EXOC3: variants seen among roughly 807,000 people sequenced by gnomAD.
The protein encoded by EXOC3 is SEC6-like 1.
A neutral mutation model predicts 73.7 loss-of-function variants in EXOC3; 21 were observed. The ratio of observed to expected loss-of-function variants is 0.29; its 90% confidence interval spans 0.20 to 0.41. The LOEUF is 0.41. EXOC3 is among the 10% of genes least tolerant of loss of function. The pLI, the probability that EXOC3 is intolerant of heterozygous loss-of-function variation, is 1.00. For missense variants in EXOC3, 842 were observed against 985.1 expected (o/e 0.85, Z 1.95); for synonymous variants, 410 against 389.1 (o/e 1.05, Z -0.63).
At position 461,947 on chromosome 5, in the gene EXOC3, T is replaced by C. The variant is rs377494437; in HGVS notation, c.1392-13T>C. 176 of 1,566,482 alleles carry C rather than the reference T, an allele frequency of 1.1e-4. No homozygotes were observed. In the African/African-American group the frequency reaches 2.1e-3, roughly 19 times the overall value. On this transcript the variant is annotated splice_polypyrimidine_tract_variant and intron_variant, in intron 7 of 12. Coordinates refer to ENST00000512944, the MANE Select transcript of EXOC3 (RefSeq NM_007277.5). ...CCCTTAGTGCTGTCTGACCGAAGCC[T>C]GTCTGTCCTCAGATATAAAGATGAA...
At chr5:465,681 GCCGAGGGCGGCT>G (rs1432767835) in intron 11 of EXOC3, 25 bp from the exon 12 acceptor site, 1 of 1,612,706 alleles carries the variant, frequency 6.2e-7, no homozygotes, top group Admixed American at 1.7e-5. Context: ...CCGCGGGACA[GCCGAGGGCGGCT>G]CCTCACATTG....
At chr5:448,734 C>A (rs1039374753) in intron 3 of EXOC3, among the ~76,000 whole-genome samples, 4 of 152,202 alleles carry the variant, frequency 2.6e-5, no homozygotes. Context: ...ATCCGTGTCC[C>A]GTCCACCCTG....
At chr5:461,910 A>G (rs1281232697) in intron 7 of EXOC3, 50 bp from the exon 8 acceptor site, 1 of 1,342,130 alleles carries the variant, frequency 7.5e-7, no homozygotes, top group East Asian at 2.5e-5. Flanking sequence ...CATTTGAAAC[A>G]GCTCCATGTT....
rs530637200 is a variant in EXOC3, at chr5:456,908, G to T, written c.1066G>T (p.Val356Leu). The T allele has an allele frequency of 1.2e-6, 2 of 1,613,934 alleles. No homozygotes were observed. The highest frequency in any genetic ancestry group is 1.7e-4 in the Middle Eastern group (1 of 6,060). The change falls in exon 5 of 13, where the codon GTG becomes TTG. Residue 356 changes from valine to leucine, a missense_variant. Coordinates refer to ENST00000512944, the MANE Select transcript of EXOC3 (RefSeq NM_007277.5). ...CCATAGTACTGAGATGATGAGGAAC[G>T]TGGAGCTGGCCCCGGAAGTGGATGT... ...TYTSTEMMRN[V>L]ELAPEVDVGT...
At chr5:461,288 C>T (rs1187266606) in intron 7 of EXOC3, among the ~76,000 whole-genome samples, 1 of 152,248 alleles carries the variant, frequency 6.6e-6, no homozygotes, top group South Asian at 2.1e-4. Context: ...TTTACCAACT[C>T]CTCAAAATTT....
intron 2 of EXOC3, 126 bp from the exon 3 acceptor site, chr5:447,407 T>C: frequency 1.6e-6 from 1 of 615,808 alleles, no homozygotes; most frequent in Non-Finnish European, 2.9e-6. Flanking sequence ...CTTTTCTGGG[T>C]ATTGACTGTT....
At chr5:449,139 T>A (rs1215815915) in intron 3 of EXOC3, among the ~76,000 whole-genome samples, 1 of 152,270 alleles carries the variant, frequency 6.6e-6, no homozygotes, top group Non-Finnish European at 1.5e-5. Context: ...TTTCCTTTCC[T>A]TGGTGAACAA....
chr5:465,338 C>G, intron 11 of EXOC3, 66 bp downstream of exon 11: 1 of 1,515,280 alleles, frequency 6.6e-7, no homozygotes, highest in Non-Finnish European at 8.9e-7. Flanking sequence ...AGCCTCCACC[C>G]CGGGACTCGG....
chr5:462,624 A>G, intron 9 of EXOC3: 1 of 336,202 alleles, frequency 3.0e-6, no homozygotes, highest in South Asian at 5.0e-5. Context: ...GTGCACACAC[A>G]CACACATCCT....
rs1737716563 is a variant in EXOC3 at position 453,587 on chromosome 5, G to A, written c.582G>A (p.Val194=). The part of the protein sequence containing the change: ...SDELAKQLWM[V]LQRSLVTVRR... ...AGCTGGCTAAGCAGCTGTGGATGGTGCTGCAGAGGTCACTGGTCACTGTCC... is the reference window on the plus strand; with the variant it reads ...AGCTGGCTAAGCAGCTGTGGATGGTACTGCAGAGGTCACTGGTCACTGTCC... The change falls in exon 4 of 13, where the codon GTG becomes GTA. Residue 194 remains valine (V), a synonymous_variant. Coordinates refer to ENST00000512944, the MANE Select transcript of EXOC3 (RefSeq NM_007277.5). 7 of 1,614,008 alleles carry A rather than the reference G, an allele frequency of 4.3e-6. No individual in the cohort carries two copies. The highest frequency in any genetic ancestry group is 5.9e-6 in the Non-Finnish European group (7 of 1,179,882).
At chr5:452,432 G>A (rs895775583) in intron 3 of EXOC3, among the ~76,000 whole-genome samples, 1 of 143,020 alleles carries the variant, frequency 7.0e-6, no homozygotes, top group African/African-American at 2.7e-5. Flanking sequence ...GCTCATACAT[G>A]TCTTTCTTCA....
chr5:448,424 G>C (rs752906383), intron 3 of EXOC3, among the ~76,000 whole-genome samples: 7 of 152,146 alleles, frequency 4.6e-5, no homozygotes, highest in Non-Finnish European at 1.0e-4. Context: ...CCCTCCCCTT[G>C]GTCCCCGCTC....
chr5:456,047 C>T lies in EXOC3; in HGVS notation c.1047-842C>T, dbSNP rs537081950. On this transcript the variant is annotated intron_variant, in intron 4 of 12. Transcript: ENST00000512944. Reference sequence around the variant, plus strand: ...CTGTATTGTACGTTCCAGTCATCACCGTCTGCAGAGCATATTGATGTGGAC... The same window carrying T: ...CTGTATTGTACGTTCCAGTCATCACTGTCTGCAGAGCATATTGATGTGGAC... Among the ~76,000 whole-genome samples the T allele has an allele frequency of 1.6e-4, 24 of 152,302 alleles. No homozygotes were observed. The South Asian group carries it at 4.8e-3, about 30-fold the overall frequency.
In EXOC3 at chr5:462,406, C is replaced by T. The variant is rs571376836; in HGVS notation, c.1653+99C>T. The T allele has an allele frequency of 3.6e-6, 5 of 1,374,452 alleles. No individual in the cohort carries two copies. The African/African-American group carries it at 4.3e-5, about 12-fold the overall frequency. 85.1% of individuals were successfully genotyped at this position (1,374,452 alleles called of 1,614,324 possible). A position where few individuals can be genotyped will look rare whatever the true frequency, so the allele number is the denominator to read the frequency against. On this transcript the variant is annotated intron_variant, in intron 9 of 12. Coordinates refer to ENST00000512944, the MANE Select transcript of EXOC3 (RefSeq NM_007277.5). ...GGCTGTGAACTGTACCGTGCGGATG[C>T]CGTCTGGGGAGCCGGGCTGTGCACT...
intron 11 of EXOC3, 144 bp downstream of exon 11, chr5:465,416 C>A: frequency 1.9e-6 from 2 of 1,035,118 alleles, no homozygotes; most frequent in Non-Finnish European, 2.8e-6. Context: ...CCTGCCTGAC[C>A]TTGTGGTTGG....
intron 5 of EXOC3, chr5:457,221 C>G (rs559250516): frequency 2.1e-5 from 12 of 567,510 alleles, no homozygotes; most frequent in Non-Finnish European, 3.8e-5. Context: ...GAAGCTTGTC[C>G]TCTGCTGGAG....
intron 4 of EXOC3, 131 bp downstream of exon 4, chr5:454,182 T>C: frequency 1.4e-6 from 1 of 719,488 alleles, no homozygotes; most frequent in South Asian, 1.9e-5. Context: ...CAGCCTTGGT[T>C]TCCAGCCCAG....
chr5:446,213 A>T lies in EXOC3; in HGVS notation c.8A>T (p.Glu3Val). MK[E>V]TDREAVATAV... is the part of the protein sequence containing the mutation. ...TCCACCAGCTTTTTCACCATGAAGGAGACAGACCGGGAGGCCGTTGCGACA... is the reference window on the plus strand; with the variant it reads ...TCCACCAGCTTTTTCACCATGAAGGTGACAGACCGGGAGGCCGTTGCGACA... The change falls in exon 2 of 13, where the codon GAG becomes GTG. Residue 3 changes from glutamate to valine, a missense_variant. By Grantham distance (121) the Glu-to-Val change is moderately radical (BLOSUM62 -2). Coordinates refer to ENST00000512944, the MANE Select transcript of EXOC3 (RefSeq NM_007277.5). The T allele has an allele frequency of 6.2e-7, 1 of 1,613,988 alleles. No individual in the cohort carries two copies. Among genetic ancestry groups the T allele is most frequent in the Non-Finnish European group, 8.5e-7 (1 of 1,179,868 alleles).
At position 456,781 on chromosome 5, in the gene EXOC3, T is replaced by A. The variant is rs989719343; in HGVS notation, c.1047-108T>A. 5.9e-6 allele frequency: 5 copies of A among 852,262 alleles called. No homozygotes were observed. In the African/African-American group the frequency reaches 8.3e-5, roughly 14 times the overall value. The allele number at this position is 852,262 out of a possible 1,614,324, so 52.8% of individuals were successfully genotyped here. A position where few individuals can be genotyped will look rare whatever the true frequency, so the allele number is the denominator to read the frequency against. On this transcript the variant is annotated intron_variant, in intron 4 of 12. Transcript: ENST00000512944. ...GTGGGCCGGCTGTGACCAGGAAGTC[T>A]CCAGGGTGGTGGACATTCATGTGTC...
Sources: allele counts gnomAD v4.1 joint callset (sites outside exome capture counted in the v4.1 genomes callset), GRCh38; gene constraint gnomAD v4.1.1; transcripts MANE v1.5; gene names NCBI Gene and HGNC (gene_info 2026-07-23, HGNC 2026-07-21).